ZNF385D: variants seen among roughly 807,000 people sequenced by gnomAD.
The protein encoded by ZNF385D is zinc finger protein 659.
A neutral mutation model predicts 35.8 loss-of-function variants in ZNF385D; 15 were observed. That is an observed-to-expected ratio of 0.42 (90% confidence interval 0.28 to 0.64). ZNF385D has a LOEUF of 0.64. Among genes scored for constraint, ZNF385D ranks in the 30% least tolerant of loss-of-function variants. ZNF385D has a pLI of 0.23. For missense variants in ZNF385D, 474 were observed against 494.6 expected (o/e 0.96, Z 0.39); for synonymous variants, 212 against 186.8 (o/e 1.13, Z -1.10).
intron 7 of ZNF385D, 69 bp downstream of exon 7, chr3:21,423,894 C>A: frequency 1.3e-6 from 2 of 1,491,518 alleles, no homozygotes; most frequent in Non-Finnish European, 1.8e-6. Context: ...GGCAAAATGC[C>A]AGAACAAATC....
intron 3 of ZNF385D, among the ~76,000 whole-genome samples, chr3:21,939,422 T>G (rs557944212): frequency 6.6e-6 from 1 of 152,128 alleles, no homozygotes; most frequent in Non-Finnish European, 1.5e-5. Flanking sequence ...ACTGTACAAC[T>G]TTTTACCATA....
chr3:21,889,940 TGTGTGCCTGTGTGTGC>T lies in ZNF385D; in HGVS notation c.326-224928_326-224913del, dbSNP rs982500444. ...GTCCAATCTTCACATAGCATCTCTG[TGTGTGCCTGTGTGTGC>T]GTGTGCCTGTGTGTGAATTTTCCCC... is the stretch of plus-strand genomic sequence containing the variant. On this transcript the variant is annotated intron_variant, in intron 3 of 5. Transcript: ENST00000494108. 7.9e-5 allele frequency among the ~76,000 whole-genome samples: 12 copies of T among 152,092 alleles called. No homozygotes were observed. The East Asian group carries it at 1.2e-3, about 15-fold the overall frequency.
chr3:21,575,108 T>C (rs2063457325), intron 2 of ZNF385D, among the ~76,000 whole-genome samples: 1 of 152,346 alleles, frequency 6.6e-6, no homozygotes, highest in African/African-American at 2.4e-5. Context: ...TATTTTCTTT[T>C]GAGTTCTTTA....
chr3:21,913,142 A>G (rs1334700612), intron 3 of ZNF385D, among the ~76,000 whole-genome samples: 2 of 152,072 alleles, frequency 1.3e-5, no homozygotes, highest in African/African-American at 4.8e-5. Flanking sequence ...CTAAATGTAA[A>G]TAATTTGCTA....
Position 22,033,033 on chromosome 3 carries a change from G to A in ZNF385D, c.325+135784C>T, listed in dbSNP as rs541051841. On this transcript the variant is annotated intron_variant, in intron 3 of 5. Transcript: ENST00000494108. ...CTATACTGCAGACTGAGAAGAAGAA[G>A]ACAGAATCAAGATTCCGAGATTGAA... Among the ~76,000 whole-genome samples the A allele has an allele frequency of 3.3e-5, 5 of 152,236 alleles. No individual in the cohort carries two copies. The South Asian group carries it at 6.2e-4, about 19-fold the overall frequency.
At chr3:22,109,753 G>A (rs904600959) in intron 3 of ZNF385D, among the ~76,000 whole-genome samples, 7 of 152,054 alleles carry the variant, frequency 4.6e-5, no homozygotes, top group Admixed American at 4.6e-4. Flanking sequence ...AAAAGCAATG[G>A]CAAAGAAAGC....
chr3:22,311,112 G>T (rs1227250392), intron 2 of ZNF385D, among the ~76,000 whole-genome samples: 1 of 151,734 alleles, frequency 6.6e-6, no homozygotes, highest in African/African-American at 2.4e-5. Flanking sequence ...GAAATCAGGG[G>T]TACGACCAGA....
At chr3:22,337,539 A>C (rs552180968) in intron 2 of ZNF385D, among the ~76,000 whole-genome samples, 15 of 152,332 alleles carry the variant, frequency 9.8e-5, no homozygotes, top group African/African-American at 3.6e-4. Flanking sequence ...TTTTCAAAAA[A>C]AATAAAAATA....
chr3:21,476,987 T>C (rs190019241), intron 4 of ZNF385D, among the ~76,000 whole-genome samples: 8 of 152,286 alleles, frequency 5.3e-5, no homozygotes, highest in Admixed American at 4.6e-4. Flanking sequence ...CCCATTTTTA[T>C]AACCACCACA....
intron 2 of ZNF385D, among the ~76,000 whole-genome samples, chr3:22,319,519 A>G (rs2125442515): frequency 6.6e-6 from 1 of 152,258 alleles, no homozygotes; most frequent in East Asian, 1.9e-4. Flanking sequence ...CGTATTGGAC[A>G]CTAGAAATGC....
At chr3:21,788,335 G>A (rs1205675002) in intron 3 of ZNF385D, among the ~76,000 whole-genome samples, 1 of 152,084 alleles carries the variant, frequency 6.6e-6, no homozygotes, top group Non-Finnish European at 1.5e-5. Flanking sequence ...AAAATTAGCC[G>A]GGCTTGGTGG....
At chr3:21,658,080 TAA>T (rs1575410602) in intron 2 of ZNF385D, among the ~76,000 whole-genome samples, 2 of 152,166 alleles carry the variant, frequency 1.3e-5, no homozygotes, top group East Asian at 3.9e-4. Context: ...TGTAATATTA[TAA>T]GTGTACATCT....
chr3:22,239,898 TGGGCATGGTTGCC>T (rs1699393198), intron 2 of ZNF385D, among the ~76,000 whole-genome samples: 3 of 150,466 alleles, frequency 2.0e-5, no homozygotes, highest in Admixed American at 2.0e-4. Flanking sequence ...GATTTCAGCC[TGGGCATGGTTGCC>T]CACGCCTATA....
intron 3 of ZNF385D, among the ~76,000 whole-genome samples, chr3:22,124,540 C>T (rs1319415567): frequency 6.6e-6 from 1 of 152,032 alleles, no homozygotes; most frequent in Non-Finnish European, 1.5e-5. Context: ...TTTATATTCC[C>T]ACAGTGTATG....
intron 3 of ZNF385D, among the ~76,000 whole-genome samples, chr3:21,836,391 T>G (rs1478390611): frequency 5.9e-5 from 9 of 152,128 alleles, no homozygotes; most frequent in Non-Finnish European, 1.3e-4. Flanking sequence ...TTTACACTTC[T>G]GCATATTCAA....
intron 2 of ZNF385D, among the ~76,000 whole-genome samples, chr3:22,355,223 T>C (rs754341693): frequency 4.6e-5 from 7 of 152,044 alleles, no homozygotes; most frequent in Non-Finnish European, 1.0e-4. Context: ...CAAATCTTTA[T>C]GGGTATGAGA....
At chr3:21,535,656 A>G (rs962237671) in intron 3 of ZNF385D, among the ~76,000 whole-genome samples, 1 of 151,960 alleles carries the variant, frequency 6.6e-6, no homozygotes, top group African/African-American at 2.4e-5. Context: ...TTTTTCATTC[A>G]GCTTGGCTCT....
At chr3:22,128,846 G>C (rs971853685) in intron 3 of ZNF385D, among the ~76,000 whole-genome samples, 1 of 152,238 alleles carries the variant, frequency 6.6e-6, no homozygotes, top group Non-Finnish European at 1.5e-5. Context: ...CAGCTATTTT[G>C]AATGCTGAAA....
chr3:22,139,067 A>G (rs1576386199), intron 3 of ZNF385D, among the ~76,000 whole-genome samples: 4 of 149,842 alleles, frequency 2.7e-5, no homozygotes, highest in Admixed American at 6.8e-5. Flanking sequence ...ACAATGAGAT[A>G]CCATCTCACA....
Sources: allele counts gnomAD v4.1 joint callset (sites outside exome capture counted in the v4.1 genomes callset), GRCh38; gene constraint gnomAD v4.1.1; transcripts MANE v1.5; gene names NCBI Gene and HGNC (gene_info 2026-07-23, HGNC 2026-07-21).